CLHC1: variants seen among roughly 807,000 people sequenced by gnomAD.
CLHC1 encodes clathrin heavy chain linker domain-containing protein 1.
Under a neutral mutation model 69.5 loss-of-function variants are expected in CLHC1, and 72 were observed. The observed-to-expected ratio is 1.04, with a 90% CI of 0.86 to 1.26. The LOEUF is 1.26. CLHC1 is among the 50% of genes most tolerant of loss of function. The probability of loss-of-function intolerance (pLI) is 0.00; values close to 1 mark genes in which losing one functional copy is unlikely to be tolerated. For missense variants in CLHC1, 790 were observed against 679.3 expected, an observed-to-expected ratio of 1.16 and a Z score of -1.81; for synonymous variants, 223 against 224.3, an observed-to-expected ratio of 0.99 and a Z score of 0.05.
rs751939566 is a variant in CLHC1 at position 55,217,918 on chromosome 2, C to A, written c.258G>T (p.Lys86Asn). The A allele has an allele frequency of 5.0e-6, 8 of 1,601,408 alleles. No homozygotes were observed. The South Asian group carries it at 7.8e-5, about 16-fold the overall frequency. Residue 86 changes from lysine (K) to asparagine (N), a missense_variant, in exon 4 of 13, where the codon AAG becomes AAT. Coordinates refer to ENST00000401408, the MANE Select transcript of CLHC1 (RefSeq NM_152385.4). ...GACAAAATGTAGTTCTTCGGTCTTT[C>A]TTTATTGTCTCAATAAAGGCATCAT... is the stretch of plus-strand genomic sequence containing the variant. ...KEYDAFIETI[K>N]KDRRTTFCLH...
chr2:55,177,573 T>G lies in CLHC1; in HGVS notation c.1564+29A>C, dbSNP rs896651545. On this transcript the variant is annotated intron_variant, in intron 12 of 12. Coordinates refer to ENST00000401408, the MANE Select transcript of CLHC1 (RefSeq NM_152385.4). ...CCTCTCCCTAGATAACCCACTACTA[T>G]TTCTCCCACAACATTTTATTCTACT... 5.3e-6 allele frequency: 8 copies of G among 1,515,238 alleles called. No homozygotes were observed. In the Admixed American group the frequency reaches 1.3e-4, roughly 25 times the overall value. 93.9% of individuals were successfully genotyped at this position (1,515,238 alleles called of 1,614,324 possible).
intron 9 of CLHC1, among the ~76,000 whole-genome samples, chr2:55,205,894 CAA>C (rs5831343): frequency 7.0e-6 from 1 of 143,016 alleles, no homozygotes. Flanking sequence ...AACTCTGTCT[CAA>C]AAAAAAAAAA....
At chr2:55,216,567 G>A (rs187741122) in intron 4 of CLHC1, among the ~76,000 whole-genome samples, 41 of 150,668 alleles carry the variant, frequency 2.7e-4, no homozygotes, top group African/African-American at 8.5e-4. Flanking sequence ...ATGGCGTCTC[G>A]CTCTGTCACC....
At chr2:55,182,328 A>G (rs1461170368) in intron 9 of CLHC1, among the ~76,000 whole-genome samples, 1 of 152,208 alleles carries the variant, frequency 6.6e-6, no homozygotes, top group African/African-American at 2.4e-5. Context: ...TTCAATGAGG[A>G]TGACAAATTA....
chr2:55,205,819 T>C, intron 9 of CLHC1: 1 of 152,678 alleles, frequency 6.5e-6, no homozygotes, highest in Non-Finnish European at 1.5e-5. Flanking sequence ...CGTTTGAACC[T>C]GGGAGGCAGA....
intron 9 of CLHC1, among the ~76,000 whole-genome samples, chr2:55,194,566 A>T (rs1671218401): frequency 6.6e-6 from 1 of 152,154 alleles, no homozygotes. Flanking sequence ...GCAAGAAAAA[A>T]AAAAAGTCAC....
At chr2:55,212,496 T>G (rs976820518) in intron 5 of CLHC1, among the ~76,000 whole-genome samples, 177 bp downstream of exon 5, 3 of 152,210 alleles carry the variant, frequency 2.0e-5, no homozygotes, top group Non-Finnish European at 4.4e-5. Flanking sequence ...CTCAATCTTT[T>G]AGAGTTCGTT....
chr2:55,190,577 T>C (rs1199392104), intron 9 of CLHC1, among the ~76,000 whole-genome samples: 4 of 152,204 alleles, frequency 2.6e-5, no homozygotes, highest in African/African-American at 9.6e-5. Flanking sequence ...AAATCAAAGT[T>C]ACAGAGATGA....
rs761184708 is a variant in CLHC1 at position 55,177,774 on chromosome 2, C to G, written c.1392G>C (p.Leu464=). 1.2e-6 allele frequency: 2 copies of G among 1,603,952 alleles called. No individual in the cohort carries two copies. The highest frequency in any genetic ancestry group is 2.2e-5 in the East Asian group (1 of 44,780). The change falls in exon 12 of 13, where the codon CTG becomes CTC. Residue 464 remains leucine (L), a synonymous_variant. Coordinates refer to ENST00000401408, the MANE Select transcript of CLHC1 (RefSeq NM_152385.4). ...QQLKDFTTDD[L]LQLLMSCPQV... ...GGGGACATGACATTAATAGCTGCAA[C>G]AGGTCATCTGAAGGCAAAAATGAAA... is the stretch of plus-strand genomic sequence containing the variant.
chr2:55,222,539 TAA>T, intron 2 of CLHC1, 46 bp from the exon 3 acceptor site: 2 of 647,342 alleles, frequency 3.1e-6, no homozygotes, highest in East Asian at 2.9e-5. Flanking sequence ...TTTTTTAACT[TAA>T]GTCAAATATT....
At chr2:55,221,805 G>A (rs148144168) in intron 3 of CLHC1, among the ~76,000 whole-genome samples, 152 of 152,168 alleles carry the variant, frequency 1.0e-3, no homozygotes, top group African/African-American at 3.5e-3. Context: ...CAGAGACCTT[G>A]TCTCTACAAA....
At chr2:55,198,083 C>G (rs1671592635) in intron 9 of CLHC1, among the ~76,000 whole-genome samples, 2 of 152,150 alleles carry the variant, frequency 1.3e-5, no homozygotes, top group South Asian at 4.1e-4. Flanking sequence ...ATCAAAGTCT[C>G]TCAGCAGCAG....
At chr2:55,218,136 C>G in intron 3 of CLHC1, 138 bp from the exon 4 acceptor site, 1 of 476,104 alleles carries the variant, frequency 2.1e-6, no homozygotes, top group Non-Finnish European at 3.6e-6. Flanking sequence ...CTACAGCAAG[C>G]TCAAACATAA....
intron 2 of CLHC1, chr2:55,223,853 C>A (rs897632405): frequency 6.6e-6 from 1 of 152,002 alleles, no homozygotes; most frequent in Non-Finnish European, 1.5e-5. Context: ...TGGAGTGCAG[C>A]GGCGAGATCT....
chr2:55,190,509 G>A (rs372359415), intron 9 of CLHC1, among the ~76,000 whole-genome samples: 20 of 152,252 alleles, frequency 1.3e-4, no homozygotes, highest in African/African-American at 3.9e-4. Flanking sequence ...TCACACTTAC[G>A]AGGGAGAGGA....
intron 9 of CLHC1, among the ~76,000 whole-genome samples, chr2:55,194,524 A>C (rs1168883544): frequency 6.6e-6 from 1 of 152,014 alleles, no homozygotes; most frequent in Non-Finnish European, 1.5e-5. Context: ...TCTATTCAAA[A>C]CTGTATTGGA....
At chr2:55,190,521 A>G (rs918628518) in intron 9 of CLHC1, among the ~76,000 whole-genome samples, 2 of 152,210 alleles carry the variant, frequency 1.3e-5, no homozygotes, top group Non-Finnish European at 2.9e-5. Context: ...GGGAGAGGAA[A>G]GATGGAATAT....
chr2:55,215,333 T>A (rs1673395506), intron 4 of CLHC1, among the ~76,000 whole-genome samples: 1 of 152,228 alleles, frequency 6.6e-6, no homozygotes, highest in African/African-American at 2.4e-5. Flanking sequence ...CTTTGTCCCA[T>A]ATTCTCTTCA....
At chr2:55,190,249 A>G (rs1670795684) in intron 9 of CLHC1, among the ~76,000 whole-genome samples, 1 of 151,790 alleles carries the variant, frequency 6.6e-6, no homozygotes, top group Non-Finnish European at 1.5e-5. Flanking sequence ...TGGTTTCACC[A>G]TGTTAGCCAG....
Sources: gnomAD v4.1 joint callset for allele counts (sites outside exome capture counted in the v4.1 genomes callset) on GRCh38, gnomAD v4.1.1 for gene constraint, MANE v1.5 for transcripts, NCBI Gene and HGNC (gene_info 2026-07-23, HGNC 2026-07-21) for gene names.